TAFA2: variants seen among roughly 807,000 people sequenced by gnomAD.
TAFA2 encodes the protein chemokine-like protein TAFA-2.
A neutral mutation model predicts 18.8 loss-of-function variants in TAFA2; 7 were observed. The observed-to-expected ratio is 0.37, with a 90% CI of 0.21 to 0.70. The LOEUF is 0.70. Ranked by LOEUF, TAFA2 falls within the 30% of genes least tolerant of loss-of-function variation. TAFA2 has a pLI of 0.53. For missense variants in TAFA2, 122 were observed against 158.1 expected, an observed-to-expected ratio of 0.77 and a Z score of 1.23; for synonymous variants, 60 against 54.2, an observed-to-expected ratio of 1.11 and a Z score of -0.47.
At chr12:61,893,762 A>T (rs1388077308) in intron 1 of TAFA2, among the ~76,000 whole-genome samples, 1 of 152,254 alleles carries the variant, frequency 6.6e-6, no homozygotes, top group Non-Finnish European at 1.5e-5. Context: ...CTGCTATTAT[A>T]TACTCACATA....
At chr12:62,022,083 C>T (rs989839316) in intron 1 of TAFA2, 7 of 537,968 alleles carry the variant, frequency 1.3e-5, no homozygotes, top group Non-Finnish European at 2.6e-5. Flanking sequence ...TTCTCAACTG[C>T]AGCAGTCAGT....
In TAFA2 at chr12:61,870,319, C is replaced by G. The variant is rs188577336; in HGVS notation, c.-1-2893G>C. Among the ~76,000 whole-genome samples, 142 of 152,282 alleles carry G rather than the reference C, an allele frequency of 9.3e-4. No homozygotes were observed. In the Middle Eastern group the frequency reaches 0.01, roughly 11 times the overall value. On this transcript the variant is annotated intron_variant, in intron 1 of 4. Transcript: ENST00000416284. ...AAACTTTCTCACTGGCCACAGCATC[C>G]TAACTGGACATCTGCCACCAAATTG...
At chr12:61,994,675 A>T (rs527569697) in intron 1 of TAFA2, among the ~76,000 whole-genome samples, 4 of 152,212 alleles carry the variant, frequency 2.6e-5, no homozygotes, top group South Asian at 4.1e-4. Context: ...TTCAAGTTTA[A>T]TGGACTCTCC....
chr12:61,953,227 TA>T (rs1022951956), intron 1 of TAFA2, among the ~76,000 whole-genome samples: 1 of 151,770 alleles, frequency 6.6e-6, no homozygotes, highest in Non-Finnish European at 1.5e-5. Context: ...ACACTCCCCT[TA>T]AAAAAAACCC....
intron 2 of TAFA2, among the ~76,000 whole-genome samples, chr12:61,784,663 G>C (rs2120899611): frequency 6.7e-6 from 1 of 149,744 alleles, no homozygotes; most frequent in East Asian, 2.0e-4. Context: ...AACTAAGTAG[G>C]AGTTTTGATG....
chr12:61,763,567 T>C (rs1457060090), intron 2 of TAFA2, among the ~76,000 whole-genome samples: 1 of 151,890 alleles, frequency 6.6e-6, no homozygotes, highest in Admixed American at 6.6e-5. Flanking sequence ...CAACTTCTGC[T>C]TGTAAGGCCT....
intron 1 of TAFA2, among the ~76,000 whole-genome samples, chr12:62,233,066 C>CTCTTTTTTTTTT (rs2062819516): frequency 5.1e-5 from 2 of 39,536 alleles, no homozygotes; most frequent in African/African-American, 9.5e-5. Flanking sequence ...TTCTGCATCT[C>CTCTTTTTTTTTT]TTTTTTTTTT....
intron 1 of TAFA2, among the ~76,000 whole-genome samples, chr12:62,161,289 T>C (rs149119971): frequency 1.3e-5 from 2 of 152,280 alleles, no homozygotes; most frequent in Non-Finnish European, 2.9e-5. Context: ...ATCGCAAAGA[T>C]ATGGAATCAA....
chr12:62,084,169 C>A (rs1360120395), intron 1 of TAFA2, among the ~76,000 whole-genome samples: 4 of 152,212 alleles, frequency 2.6e-5, no homozygotes, highest in Admixed American at 2.6e-4. Context: ...CATTTCCCCT[C>A]ACTATTTTAC....
At chr12:62,247,752 TTACCTTGCAGATTCCCAAAGACC>T in intron 1 of TAFA2, among the ~76,000 whole-genome samples, 1 of 152,234 alleles carries the variant, frequency 6.6e-6, no homozygotes, top group East Asian at 1.9e-4. Context: ...GGAATAAAAG[TTACCTTGCAGATTCCCAAAGACC>T]TATAATCAGG....
At chr12:61,901,840 C>G (rs1876114996) in intron 1 of TAFA2, among the ~76,000 whole-genome samples, 1 of 152,108 alleles carries the variant, frequency 6.6e-6, no homozygotes, top group Admixed American at 6.5e-5. Context: ...GATATACATC[C>G]TGCCTCTGAT....
intron 1 of TAFA2, among the ~76,000 whole-genome samples, chr12:62,203,879 GA>G (rs779447566): frequency 1.3e-5 from 2 of 152,212 alleles, no homozygotes; most frequent in Non-Finnish European, 2.9e-5. Flanking sequence ...CTGTCATCAT[GA>G]TGCTAGCTGG....
intron 1 of TAFA2, among the ~76,000 whole-genome samples, chr12:62,059,202 C>T (rs1419743209): frequency 2.0e-5 from 3 of 148,254 alleles, no homozygotes; most frequent in African/African-American, 7.5e-5. Context: ...CCTGTAGTCC[C>T]AGCTATCAGA....
At chr12:62,098,753 T>C (rs148967365) in intron 1 of TAFA2, among the ~76,000 whole-genome samples, 78 of 152,308 alleles carry the variant, frequency 5.1e-4, no homozygotes, top group Non-Finnish European at 8.4e-4. Context: ...AGTGTAATGA[T>C]CTGATATCGA....
intron 4 of TAFA2, among the ~76,000 whole-genome samples, chr12:61,728,474 TA>T (rs948269090): frequency 3.3e-5 from 5 of 152,044 alleles, no homozygotes; most frequent in African/African-American, 9.7e-5. Flanking sequence ...TATCACTATA[TA>T]ATGTCCTTCT....
At chr12:61,872,202 A>T (rs1375179018) in intron 1 of TAFA2, among the ~76,000 whole-genome samples, 2 of 152,202 alleles carry the variant, frequency 1.3e-5, no homozygotes, top group Admixed American at 1.3e-4. Context: ...AGATAGTATA[A>T]AGGAGATGTA....
chr12:61,941,072 G>C (rs999140872), intron 1 of TAFA2, among the ~76,000 whole-genome samples: 1 of 152,098 alleles, frequency 6.6e-6, no homozygotes, highest in African/African-American at 2.4e-5. Context: ...ATATGGGCAT[G>C]TAAATCTATT....
At chr12:62,024,841 C>T (rs348696) in intron 1 of TAFA2, among the ~76,000 whole-genome samples, 33,711 of 151,890 alleles carry the variant, frequency 0.22, 3,844 homozygotes, top group East Asian at 0.28. Flanking sequence ...TTCAAGCAAA[C>T]TACAAACATA....
chr12:62,114,374 A>G (rs1051792329), intron 1 of TAFA2, among the ~76,000 whole-genome samples: 10 of 152,194 alleles, frequency 6.6e-5, no homozygotes, highest in Non-Finnish European at 1.5e-4. Flanking sequence ...TTAGAAATGT[A>G]GAAATCACCT....
Sources: gnomAD v4.1 joint callset for allele counts (sites outside exome capture counted in the v4.1 genomes callset) on GRCh38, gnomAD v4.1.1 for gene constraint, MANE v1.5 for transcripts, NCBI Gene and HGNC (gene_info 2026-07-23, HGNC 2026-07-21) for gene names.